LPP: variants seen among roughly 807,000 people sequenced by gnomAD.
LPP encodes lipoma-preferred partner.
In LPP, 38 loss-of-function variants were observed where a neutral mutation model predicts 60.4. The ratio of observed to expected loss-of-function variants is 0.63; its 90% CI spans 0.49 to 0.83. The LOEUF (loss-of-function observed/expected upper bound fraction) is 0.83. LPP is among the 40% of genes least tolerant of loss of function. The pLI is 0.00. For synonymous variants in LPP, 328 were observed against 290.8 expected, an observed-to-expected ratio of 1.13 and a Z score of -1.30; for missense variants, 902 against 783.6, an observed-to-expected ratio of 1.15 and a Z score of -1.80.
chr3:188,871,512 T>A (rs1052753941), intron 10 of LPP, among the ~76,000 whole-genome samples: 1 of 152,184 alleles, frequency 6.6e-6, no homozygotes. Flanking sequence ...ATATAGAATA[T>A]AATGTATGTA....
upstream of LPP, chr3:188,154,134 A>C: frequency 5.3e-6 from 1 of 187,246 alleles, no homozygotes; most frequent in East Asian, 1.7e-4. Flanking sequence ...GGCTGGGGAC[A>C]ATGGGAGGGG....
intron 4 of LPP, among the ~76,000 whole-genome samples, chr3:188,439,179 C>T (rs997522410): frequency 6.6e-6 from 1 of 152,136 alleles, no homozygotes; most frequent in African/African-American, 2.4e-5. Flanking sequence ...GCCACCTTTT[C>T]TATTTTGGTT....
rs565225261 is a variant in LPP at position 188,199,737 on chromosome 3, G to C, written c.-189-25668G>C. Among the ~76,000 whole-genome samples, 9 of 151,640 alleles carry C rather than the reference G, an allele frequency of 5.9e-5. 1 individual carries two copies. The East Asian group carries it at 1.6e-3, about 26-fold the overall frequency. On this transcript the variant is annotated intron_variant, in intron 1 of 11. Transcript: ENST00000617246. ...GATTTTTTTTTTTTTCTGTGAGATG[G>C]GGTTTTCCTGTTGCCTACCTAGGCT...
At chr3:188,210,879 C>T (rs1259034323) in intron 1 of LPP, among the ~76,000 whole-genome samples, 1 of 152,074 alleles carries the variant, frequency 6.6e-6, no homozygotes, top group Admixed American at 6.5e-5. Flanking sequence ...CTAATTTTGA[C>T]GTCCCACGCC....
At chr3:188,166,632 C>G (rs1010794243) in intron 1 of LPP, among the ~76,000 whole-genome samples, 2 of 152,178 alleles carry the variant, frequency 1.3e-5, no homozygotes, top group African/African-American at 4.8e-5. Context: ...TGCCCAGAAC[C>G]CAAGCAAGTT....
intron 2 of LPP, among the ~76,000 whole-genome samples, chr3:188,249,638 C>T (rs1200128145): frequency 2.0e-5 from 3 of 151,634 alleles, no homozygotes; most frequent in Non-Finnish European, 2.9e-5. Flanking sequence ...ACATTTTCCC[C>T]TCTCCTCTTT....
At chr3:188,591,594 C>T (rs2151096202) in intron 6 of LPP, among the ~76,000 whole-genome samples, 1 of 152,272 alleles carries the variant, frequency 6.6e-6, no homozygotes, top group East Asian at 1.9e-4. Flanking sequence ...GTTAGGGCCT[C>T]ATCATTTCTT....
chr3:188,493,830 G>A (rs1351895350), intron 5 of LPP, among the ~76,000 whole-genome samples: 1 of 151,886 alleles, frequency 6.6e-6, no homozygotes, highest in East Asian at 1.9e-4. Context: ...TATGGAATTG[G>A]ATTTCTTCTC....
At chr3:188,606,467 GTGTTT>G (rs1192118912) in intron 6 of LPP, among the ~76,000 whole-genome samples, 2 of 151,970 alleles carry the variant, frequency 1.3e-5, no homozygotes, top group Non-Finnish European at 2.9e-5. Context: ...GTTGGTTTTT[GTGTTT>G]TGTTTTGTTC....
At chr3:188,207,579 C>G (rs1420754711) in intron 1 of LPP, among the ~76,000 whole-genome samples, 1 of 150,632 alleles carries the variant, frequency 6.6e-6, no homozygotes, top group Non-Finnish European at 1.5e-5. Context: ...GTCATATCTT[C>G]TCAGTCATTG....
chr3:188,524,291 T>C (rs1037376909), intron 5 of LPP, among the ~76,000 whole-genome samples: 17 of 152,188 alleles, frequency 1.1e-4, no homozygotes, highest in Non-Finnish European at 2.2e-4. Context: ...CTCCAATAAA[T>C]ATTATTCTAG....
intron 5 of LPP, among the ~76,000 whole-genome samples, chr3:188,500,236 T>A (rs1214929551): frequency 2.0e-5 from 3 of 152,158 alleles, no homozygotes; most frequent in African/African-American, 7.2e-5. Flanking sequence ...TGGGTTTCCA[T>A]CTGTGGCTTT....
chr3:188,215,884 T>G (rs1356804626), intron 1 of LPP, among the ~76,000 whole-genome samples: 1 of 152,168 alleles, frequency 6.6e-6, no homozygotes, highest in Non-Finnish European at 1.5e-5. Context: ...TGACACCTCC[T>G]TACACCTTGC....
intron 1 of LPP, among the ~76,000 whole-genome samples, chr3:188,203,453 A>T (rs1282607958): frequency 3.2e-5 from 3 of 92,814 alleles, no homozygotes; most frequent in African/African-American, 4.4e-5. Flanking sequence ...ATATAAATAT[A>T]TATAAATATA....
At chr3:188,331,940 C>A (rs1760200079) in intron 2 of LPP, among the ~76,000 whole-genome samples, 1 of 152,112 alleles carries the variant, frequency 6.6e-6, no homozygotes, top group African/African-American at 2.4e-5. Context: ...AAATGCTTAG[C>A]TTAGTTACTA....
chr3:188,745,550 C>G (rs1461587640), intron 8 of LPP, among the ~76,000 whole-genome samples: 1 of 152,064 alleles, frequency 6.6e-6, no homozygotes, highest in African/African-American at 2.4e-5. Flanking sequence ...ACTCAGTAAG[C>G]CTTTTGTGAA....
At chr3:188,194,578 A>G (rs182359356) in intron 1 of LPP, among the ~76,000 whole-genome samples, 1 of 152,320 alleles carries the variant, frequency 6.6e-6, no homozygotes, top group Admixed American at 6.5e-5. Context: ...TTCCTAGGAA[A>G]ATCAGGTTGA....
At chr3:188,326,925 A>T (rs1758579133) in intron 2 of LPP, among the ~76,000 whole-genome samples, 2 of 152,164 alleles carry the variant, frequency 1.3e-5, no homozygotes, top group African/African-American at 2.4e-5. Context: ...TCTGGATTTT[A>T]AATGAAGTAA....
intron 9 of LPP, among the ~76,000 whole-genome samples, chr3:188,785,860 T>A (rs1366982670): frequency 6.6e-6 from 1 of 152,146 alleles, no homozygotes; most frequent in Non-Finnish European, 1.5e-5. Context: ...GTATTCTCCC[T>A]GACTCCTAAG....
Sources: gnomAD v4.1 joint callset for allele counts (sites outside exome capture counted in the v4.1 genomes callset) on GRCh38, gnomAD v4.1.1 for gene constraint, MANE v1.5 for transcripts, NCBI Gene and HGNC (gene_info 2026-07-23, HGNC 2026-07-21) for gene names.